TNKS2: variants seen among roughly 807,000 people sequenced by gnomAD.
The protein encoded by TNKS2 is tankyrase 2.
In TNKS2, 72 loss-of-function variants were observed where a neutral mutation model predicts 137.6. The ratio of observed to expected loss-of-function variants is 0.52; its 90% CI spans 0.43 to 0.64. The LOEUF (loss-of-function observed/expected upper bound fraction) is 0.64. TNKS2 is among the 30% of genes least tolerant of loss of function. The pLI, the probability that TNKS2 is intolerant of heterozygous loss-of-function variation, is 0.00. For synonymous variants in TNKS2, 516 were observed against 512.1 expected (o/e 1.01, Z -0.10); for missense variants, 1,049 against 1,410.2 (o/e 0.74, Z 4.10).
intron 18 of TNKS2, among the ~76,000 whole-genome samples, chr10:91,847,293 A>G (rs1387613283): frequency 6.6e-6 from 1 of 152,188 alleles, no homozygotes; most frequent in Non-Finnish European, 1.5e-5. Context: ...TACATATTAC[A>G]AATTAAACAA....
chr10:91,844,136 G>A (rs566693799), intron 16 of TNKS2, among the ~76,000 whole-genome samples: 21 of 152,186 alleles, frequency 1.4e-4, no homozygotes, highest in African/African-American at 4.8e-4. Flanking sequence ...TAACATTACT[G>A]TGTCCAAGTT....
chr10:91,850,424 ATT>A (rs1275823799), intron 20 of TNKS2, among the ~76,000 whole-genome samples: 1 of 150,362 alleles, frequency 6.7e-6, no homozygotes, highest in East Asian at 2.0e-4. Flanking sequence ...GATTTTAGAA[ATT>A]TGTAGAAGGG....
intron 2 of TNKS2, among the ~76,000 whole-genome samples, chr10:91,815,823 A>G (rs1238399590): frequency 6.6e-6 from 1 of 152,136 alleles, no homozygotes; most frequent in Non-Finnish European, 1.5e-5. Flanking sequence ...AAAGAACAGG[A>G]GCTGAGCTTC....
At chr10:91,813,313 A>G in intron 2 of TNKS2, 106 bp downstream of exon 2, 1 of 968,120 alleles carries the variant, frequency 1.0e-6, no homozygotes, top group Non-Finnish European at 1.5e-6. Context: ...GAATTTAAAT[A>G]TTTAAGAACA....
Position 91,817,157 on chromosome 10 carries a change from C to G in TNKS2, c.448C>G (p.Pro150Ala), listed in dbSNP as rs1486359628. The change falls in exon 3 of 27, where the codon CCA (proline) becomes GCA (alanine). Residue 150 changes from proline to alanine, a missense_variant. This residue lies in a region of TNKS2 where 374 missense variants were observed against 460.8 expected (regional missense o/e 0.81). Coordinates refer to ENST00000371627, the MANE Select transcript of TNKS2 (RefSeq NM_025235.4). ...AGTGCTGTTACAGCATGGAGCTGAG[C>G]CAACCATCCGAAATACAGATGGAAG... Reference protein sequence around the residue: ...CIVLLQHGAEPTIRNTDGRTA... With the variant: ...CIVLLQHGAEATIRNTDGRTA... The G allele has an allele frequency of 6.2e-7, 1 of 1,613,580 alleles. No individual in the cohort carries two copies. The highest frequency in any genetic ancestry group is 1.7e-5 in the Admixed American group (1 of 59,990).
intron 1 of TNKS2, among the ~76,000 whole-genome samples, chr10:91,810,925 T>G (rs953309264): frequency 2.8e-5 from 3 of 106,642 alleles, no homozygotes; most frequent in Non-Finnish European, 5.7e-5. Flanking sequence ...CTTTTCTTTT[T>G]TTTTTTTTTT....
chr10:91,830,400 T>TAG, intron 9 of TNKS2, among the ~76,000 whole-genome samples: 1 of 152,230 alleles, frequency 6.6e-6, no homozygotes, highest in East Asian at 1.9e-4. Context: ...GTATTTTTAT[T>TAG]AGAGAGGGGG....
chr10:91,823,320 G>GTTTTTTTTT (rs3043666), intron 7 of TNKS2, among the ~76,000 whole-genome samples: 25 of 113,596 alleles, frequency 2.2e-4, no homozygotes, highest in Non-Finnish European at 3.3e-4. Flanking sequence ...TGGTTTTTTG[G>GTTTTTTTTT]TTTTTTTTTT....
At chr10:91,830,804 C>G in intron 9 of TNKS2, 119 bp from the exon 10 acceptor site, 1 of 860,172 alleles carries the variant, frequency 1.2e-6, no homozygotes, top group Non-Finnish European at 1.7e-6. Context: ...AGCAAAGTTG[C>G]GTCAAAAGTA....
At chr10:91,804,389 T>C (rs937388159) in intron 1 of TNKS2, among the ~76,000 whole-genome samples, 1 of 152,214 alleles carries the variant, frequency 6.6e-6, no homozygotes, top group Non-Finnish European at 1.5e-5. Context: ...AAGTACTATA[T>C]AGTAGATTCA....
intron 11 of TNKS2, among the ~76,000 whole-genome samples, chr10:91,832,992 A>G (rs1057173240): frequency 3.9e-5 from 6 of 152,302 alleles, no homozygotes; most frequent in African/African-American, 4.8e-5. Flanking sequence ...TCTGCAGACT[A>G]TTCCTCCTAA....
intron 13 of TNKS2, among the ~76,000 whole-genome samples, chr10:91,838,046 T>A (rs1377350833): frequency 2.7e-5 from 4 of 147,672 alleles, no homozygotes; most frequent in Admixed American, 2.7e-4. Context: ...ATTTTTTTTT[T>A]TTTTTTTTTT....
chr10:91,846,646 T>C (rs1842383771), intron 18 of TNKS2, among the ~76,000 whole-genome samples: 1 of 151,432 alleles, frequency 6.6e-6, no homozygotes, highest in Non-Finnish European at 1.5e-5. Flanking sequence ...GGGAATCTTT[T>C]CTGCAGACTG....
rs1292002648 is a variant in TNKS2 at position 91,864,121 on chromosome 10, T to G, written c.*1122T>G. On this transcript the variant is annotated 3_prime_UTR_variant, in exon 27 of 27. Transcript: ENST00000371627. Reference sequence around the variant, plus strand: ...GTAAACTTAACCCAGAACTATAAAATGTAGTTGTCTCAGTCCCCTCCAGGC... The same window carrying G: ...GTAAACTTAACCCAGAACTATAAAAGGTAGTTGTCTCAGTCCCCTCCAGGC... 6.6e-6 allele frequency: 1 copy of G among 152,460 alleles called. No individual in the cohort carries two copies. The highest frequency in any genetic ancestry group is 2.4e-5 in the African/African-American group (1 of 41,440). The allele number at this position is 152,460 out of a possible 1,614,324, so 9.4% of individuals were successfully genotyped here.
intron 21 of TNKS2, among the ~76,000 whole-genome samples, chr10:91,851,737 A>G (rs562523856): frequency 3.3e-5 from 5 of 152,338 alleles, no homozygotes; most frequent in African/African-American, 7.2e-5. Flanking sequence ...TTAAAGTACT[A>G]TAGTAGATCT....
In TNKS2 at chr10:91,840,476, CTT is replaced by C. The variant is rs1842176732; in HGVS notation, c.1528-83_1528-82del. 5 of 1,242,442 alleles carry C rather than the reference CTT, an allele frequency of 4.0e-6. No individual in the cohort carries two copies. The African/African-American group carries it at 4.5e-5, about 11-fold the overall frequency. 77.0% of individuals were successfully genotyped at this position (1,242,442 alleles called of 1,614,324 possible). On this transcript the variant is annotated intron_variant, in intron 13 of 26. Transcript: ENST00000371627. ...ATGAGACAAGAAAATAAGTCAGACA[CTT>C]TGAAAATTCCTACTAAATGACTTGA...
chr10:91,848,804 A>G (rs1842459126), intron 19 of TNKS2, among the ~76,000 whole-genome samples, 169 bp downstream of exon 19: 1 of 152,150 alleles, frequency 6.6e-6, no homozygotes, highest in Non-Finnish European at 1.5e-5. Context: ...TTCCAAGTTG[A>G]CAGTTGAAGA....
intron 3 of TNKS2, 47 bp from the exon 4 acceptor site, chr10:91,819,223 A>G (rs1844805063): frequency 1.7e-6 from 2 of 1,173,958 alleles, no homozygotes; most frequent in Admixed American, 6.8e-5. Flanking sequence ...AAAACTCATT[A>G]ATTTTTCTTT....
At chr10:91,853,968 A>G (rs1262337619) in intron 21 of TNKS2, among the ~76,000 whole-genome samples, 1 of 152,258 alleles carries the variant, frequency 6.6e-6, no homozygotes, top group Non-Finnish European at 1.5e-5. Context: ...CACCAAAGGA[A>G]TTAGAAAATT....
Sources: allele counts gnomAD v4.1 joint callset (sites outside exome capture counted in the v4.1 genomes callset), GRCh38; gene constraint gnomAD v4.1.1; regional missense constraint gnomAD v4.1.1; transcripts MANE v1.5; gene names NCBI Gene and HGNC (gene_info 2026-07-23, HGNC 2026-07-21).